CAPZB: variants seen among roughly 807,000 people sequenced by gnomAD.
The protein encoded by CAPZB is capping actin protein of muscle Z-line subunit beta.
A neutral mutation model predicts 38.1 loss-of-function variants in CAPZB; 2 were observed. The ratio of observed to expected loss-of-function variants is 0.05; its 90% CI spans 0.02 to 0.17. The LOEUF (loss-of-function observed/expected upper bound fraction) is 0.17, where lower values mean the gene tolerates loss of function less well. CAPZB is among the 10% of genes least tolerant of loss of function. The pLI is 1.00. For synonymous variants in CAPZB, 107 were observed against 127.4 expected, an observed-to-expected ratio of 0.84 and a Z score of 1.08; for missense variants, 161 against 334.2, an observed-to-expected ratio of 0.48 and a Z score of 4.04.
At chr1:19,411,871 A>G (rs1036994541) in intron 2 of CAPZB, among the ~76,000 whole-genome samples, 12 of 152,124 alleles carry the variant, frequency 7.9e-5, no homozygotes, top group African/African-American at 2.9e-4. Flanking sequence ...CAGAGGCTGC[A>G]CTACTAGGTG....
chr1:19,355,259 C>G (rs576224734), intron 6 of CAPZB, among the ~76,000 whole-genome samples: 1 of 152,162 alleles, frequency 6.6e-6, no homozygotes, highest in South Asian at 2.1e-4. Flanking sequence ...TTTGGGAGAC[C>G]GAGGTGGGCG....
At chr1:19,375,195 A>G (rs1288942618) in intron 4 of CAPZB, among the ~76,000 whole-genome samples, 1 of 152,222 alleles carries the variant, frequency 6.6e-6, no homozygotes, top group Non-Finnish European at 1.5e-5. Context: ...GAAAAAAAAG[A>G]GACTTGTTCT....
At chr1:19,389,752 C>G (rs922781551) in intron 2 of CAPZB, among the ~76,000 whole-genome samples, 20 of 152,258 alleles carry the variant, frequency 1.3e-4, no homozygotes, top group Admixed American at 1.1e-3. Flanking sequence ...TTTGCTAAAT[C>G]TGACAGCCAA....
intron 2 of CAPZB, among the ~76,000 whole-genome samples, chr1:19,412,751 A>C (rs2094362701): frequency 6.6e-6 from 1 of 152,190 alleles, no homozygotes; most frequent in Non-Finnish European, 1.5e-5. Flanking sequence ...TCACTGAGAA[A>C]CCGGTTAAAA....
chr1:19,419,795 G>A (rs1372774037), intron 1 of CAPZB, 45 bp from the exon 2 acceptor site: 2 of 1,155,190 alleles, frequency 1.7e-6, no homozygotes, highest in Non-Finnish European at 2.5e-6. Context: ...TTTGCCAGAA[G>A]GAATATCAAA....
intron 1 of CAPZB, among the ~76,000 whole-genome samples, chr1:19,483,669 G>A (rs1334955474): frequency 6.6e-6 from 1 of 152,184 alleles, no homozygotes; most frequent in East Asian, 1.9e-4. Context: ...TGCACACTCA[G>A]GAAACTTCAG....
At chr1:19,404,874 C>G (rs2094323152) in intron 2 of CAPZB, among the ~76,000 whole-genome samples, 1 of 152,134 alleles carries the variant, frequency 6.6e-6, no homozygotes, top group African/African-American at 2.4e-5. Flanking sequence ...CACAATTGTC[C>G]TCTTTTAGAG....
At chr1:19,404,225 T>G (rs1570153220) in intron 2 of CAPZB, among the ~76,000 whole-genome samples, 1 of 85,110 alleles carries the variant, frequency 1.2e-5, no homozygotes, top group Admixed American at 1.9e-4. Flanking sequence ...AGACTGAGAC[T>G]CCATCTCAAA....
At chr1:19,367,126 C>G (rs1372777463) in intron 4 of CAPZB, among the ~76,000 whole-genome samples, 1 of 152,266 alleles carries the variant, frequency 6.6e-6, no homozygotes, top group Non-Finnish European at 1.5e-5. Flanking sequence ...GTGGGTGCTG[C>G]CCAGTGGGCA....
In CAPZB at chr1:19,366,771, A is replaced by G. The variant is rs374810604; in HGVS notation, c.330-9208T>C. ...GGCAAAGAGGAAGAGAATAAAACCC[A>G]GAGGCAGAGCCATTCCCCGGCAGCT... On this transcript the variant is annotated intron_variant, in intron 4 of 8. Coordinates refer to ENST00000264202, the MANE Select transcript of CAPZB (RefSeq NM_004930.5). 1.3e-4 allele frequency among the ~76,000 whole-genome samples: 20 copies of G among 152,330 alleles called. No individual in the cohort carries two copies. In the East Asian group the frequency reaches 1.9e-3, roughly 15 times the overall value.
chr1:19,429,115 A>T (rs1202818403), intron 1 of CAPZB, among the ~76,000 whole-genome samples: 1 of 152,224 alleles, frequency 6.6e-6, no homozygotes, highest in Non-Finnish European at 1.5e-5. Context: ...CATTAGCCTA[A>T]GGACAGTGTA....
Position 19,357,669 on chromosome 1 carries a change from G to T in CAPZB, c.330-106C>A. 3.6e-6 allele frequency: 4 copies of T among 1,107,696 alleles called. No individual in the cohort carries two copies. The highest frequency in any genetic ancestry group is 5.3e-6 in the Non-Finnish European group (4 of 754,572). 68.6% of individuals were successfully genotyped at this position (1,107,696 alleles called of 1,614,324 possible). Reference sequence around the variant, plus strand: ...GATTCTGGGATTCAGGGCCCTCCCTGCGACAGTTATGGGAGCCGATCCTTG... The same window carrying T: ...GATTCTGGGATTCAGGGCCCTCCCTTCGACAGTTATGGGAGCCGATCCTTG... On this transcript the variant is annotated intron_variant, in intron 4 of 8. Coordinates refer to ENST00000264202, the MANE Select transcript of CAPZB (RefSeq NM_004930.5). The surrounding 1 kb of genome is among the most constrained non-coding windows in gnomAD (Gnocchi z 4.3).
intron 1 of CAPZB, among the ~76,000 whole-genome samples, chr1:19,428,435 A>G (rs887623055): frequency 1.3e-5 from 2 of 152,166 alleles, no homozygotes; most frequent in African/African-American, 4.8e-5. Flanking sequence ...AAAAAAAGAA[A>G]AAGAAAAATA....
chr1:19,401,270 C>T (rs1165245097), intron 2 of CAPZB, among the ~76,000 whole-genome samples: 1 of 151,522 alleles, frequency 6.6e-6, no homozygotes, highest in Non-Finnish European at 1.5e-5. Context: ...GCTGAGTGGG[C>T]AAACATTTTG....
At chr1:19,464,731 T>C (rs1159801242) in intron 1 of CAPZB, among the ~76,000 whole-genome samples, 1 of 152,192 alleles carries the variant, frequency 6.6e-6, no homozygotes, top group Non-Finnish European at 1.5e-5. Flanking sequence ...GAAATATTAA[T>C]ACATGCAACA....
intron 4 of CAPZB, among the ~76,000 whole-genome samples, chr1:19,359,582 C>T (rs375302230): frequency 6.6e-6 from 1 of 152,178 alleles, no homozygotes; most frequent in Non-Finnish European, 1.5e-5. Flanking sequence ...GGTGTGTCCA[C>T]GGGTGAGTCT....
chr1:19,345,325 C>T (rs1328686451), intron 6 of CAPZB, 73 bp from the exon 7 acceptor site: 2 of 1,212,092 alleles, frequency 1.7e-6, no homozygotes, highest in Non-Finnish European at 2.4e-6. Flanking sequence ...CCCACCCCAC[C>T]TCCACGGTCT....
intron 1 of CAPZB, among the ~76,000 whole-genome samples, chr1:19,469,619 G>C (rs1266300039): frequency 6.6e-6 from 1 of 152,044 alleles, no homozygotes; most frequent in Non-Finnish European, 1.5e-5. Flanking sequence ...GGCGGCCACG[G>C]AGAGAGCATT....
At chr1:19,448,845 C>G in intron 1 of CAPZB, 1 of 1,612,910 alleles carries the variant, frequency 6.2e-7, no homozygotes, top group South Asian at 1.1e-5. Context: ...TTTCTAGGTT[C>G]TGGGTCACAT....
Sources: gnomAD v4.1 joint callset for allele counts (sites outside exome capture counted in the v4.1 genomes callset) on GRCh38, gnomAD v4.1.1 for gene constraint, Gnocchi (gnomAD v3.1) non-coding constraint, MANE v1.5 for transcripts, NCBI Gene and HGNC (gene_info 2026-07-23, HGNC 2026-07-21) for gene names.